Variants in WDR90 observed in about 807,000 individuals in gnomAD.
The protein encoded by WDR90 is WD repeat domain 90.
In WDR90, 238 loss-of-function variants were observed where a neutral mutation model predicts 195.2. The ratio of observed to expected loss-of-function variants is 1.22; its 90% CI spans 1.10 to 1.36. The LOEUF (loss-of-function observed/expected upper bound fraction) is 1.36. Ranked by LOEUF, WDR90 falls within the 40% of genes most tolerant of loss-of-function variation. The pLI is 0.00. For synonymous variants in WDR90, 1,265 were observed against 1,052.4 expected (o/e 1.20, Z -3.91); for missense variants, 2,734 against 2,439.5 (o/e 1.12, Z -2.54).
At chr16:649,127 CG>C (rs1223615480), upstream of WDR90, 3 of 362,050 alleles carry the variant, frequency 8.3e-6, no homozygotes, top group East Asian at 1.2e-4. Context: ...GTGGGCGCGG[CG>C]GAGGATCCGC....
upstream of WDR90, chr16:649,234 C>G (rs1317039585): frequency 3.2e-6 from 2 of 627,620 alleles, no homozygotes; most frequent in African/African-American, 3.9e-5. Context: ...TGGAGCAACC[C>G]TGGAGGCCGC....
intron 28 of WDR90, 49 bp from the exon 29 acceptor site, chr16:661,002 C>CCCCT: frequency 1.5e-5 from 1 of 64,806 alleles, no homozygotes; most frequent in Non-Finnish European, 2.3e-5. Flanking sequence ...CCCTCCCCGC[C>CCCCT]CCCCCCCCCC....
chr16:652,148 T>C, intron 9 of WDR90, 109 bp downstream of exon 9: 1 of 1,287,296 alleles, frequency 7.8e-7, no homozygotes, highest in South Asian at 1.4e-5. Context: ...CGGTCTCCTC[T>C]TGTTCAGCCT....
In WDR90 at chr16:649,431, C is replaced by T. The variant is rs1480483936; in HGVS notation, c.10+5C>T. 1.5e-6 allele frequency: 2 copies of T among 1,300,790 alleles called. No homozygotes were observed. Among genetic ancestry groups the T allele is most frequent in the Non-Finnish European group, 1.9e-6 (2 of 1,027,598 alleles). The allele number at this position is 1,300,790 out of a possible 1,614,324, so 80.6% of individuals were successfully genotyped here. A position where few individuals can be genotyped will look rare whatever the true frequency, so the allele number is the denominator to read the frequency against. On this transcript the variant is annotated splice_donor_5th_base_variant and intron_variant, in intron 1 of 40. Coordinates refer to ENST00000293879, the MANE Select transcript of WDR90 (RefSeq NM_145294.5). ...GCGGCGGCGCCATGGCCCGAGGTAG[C>T]GCGCGGCTGGCGGGGGTCCCGAGGA...
intron 7 of WDR90, 120 bp downstream of exon 7, chr16:651,386 C>A: frequency 8.2e-7 from 1 of 1,226,594 alleles, no homozygotes; most frequent in South Asian, 1.3e-5. Flanking sequence ...GGTGCAGGGA[C>A]CCAGGGAAGC....
intron 28 of WDR90, 121 bp from the exon 29 acceptor site, chr16:660,929 AC>A: frequency 1.8e-6 from 1 of 568,840 alleles, no homozygotes; most frequent in South Asian, 3.2e-5. Flanking sequence ...GACGATGCTA[AC>A]CCCTTGGCCC....
At chr16:651,316 TG>T in intron 7 of WDR90, 50 bp downstream of exon 7, 1 of 1,594,794 alleles carries the variant, frequency 6.3e-7, no homozygotes, top group Non-Finnish European at 8.6e-7. Context: ...GTAGGGTGCG[TG>T]GGGCTCGGTA....
chr16:661,265 C>A, intron 29 of WDR90, 77 bp from the exon 30 acceptor site: 1 of 1,531,094 alleles, frequency 6.5e-7, no homozygotes, highest in Non-Finnish European at 8.8e-7. Flanking sequence ...CCACCAAAGA[C>A]GGAGCAGACG....
At position 658,642 on chromosome 16, in the gene WDR90, C is replaced by A. The variant is rs1352310142; in HGVS notation, c.2884C>A (p.Pro962Thr). ...GTGGGACTACGCCACACAGGCCAGC[C>A]CAGGCCCCCAGGTGTGTGCGTGGGG... ...KVWDYATQAS[P>T]GPQVYIGHSE... Residue 962 changes from proline to threonine, a missense_variant, in exon 23 of 41, where the codon CCA (proline) becomes ACA (threonine). Pro to Thr is a conservative substitution (Grantham distance 38, BLOSUM62 -1). Transcript: ENST00000293879. 6.2e-7 allele frequency: 1 copy of A among 1,610,594 alleles called. No individual in the cohort carries two copies. Among genetic ancestry groups the A allele is most frequent in the African/African-American group, 1.3e-5 (1 of 74,880 alleles).
rs761241838 is a variant in WDR90, at chr16:650,181, G to A, written c.279+14G>A. 1 of 1,610,702 alleles carries A rather than the reference G, an allele frequency of 6.2e-7. No individual in the cohort carries two copies. On this transcript the variant is annotated intron_variant, in intron 3 of 40. Transcript: ENST00000293879. ...GTGTCCTCCAAGGTACGGAGCCCGC[G>A]GCTGGGGGCTGCGTGGGAGCCCCGG...
rs1194324175 is a variant in WDR90 at position 662,666 on chromosome 16, C to T, written c.4146-13C>T. ...ACCCATTGTTCTCTCCTTCCCTGCA[C>T]CCTGAGGTCCAGTTCTGTGTTCATG... On this transcript the variant is annotated splice_polypyrimidine_tract_variant and intron_variant, in intron 33 of 40. Transcript: ENST00000293879. 3.3e-6 allele frequency: 5 copies of T among 1,531,866 alleles called. No homozygotes were observed. Among genetic ancestry groups the T allele is most frequent in the South Asian group, 2.6e-5 (2 of 78,174 alleles). 94.9% of individuals were successfully genotyped at this position (1,531,866 alleles called of 1,614,324 possible). A position where few individuals can be genotyped will look rare whatever the true frequency, so the allele number is the denominator to read the frequency against.
intron 12 of WDR90, 21 bp from the exon 13 acceptor site, chr16:653,725 C>T (rs1159933625): frequency 6.2e-7 from 1 of 1,613,188 alleles, no homozygotes; most frequent in African/African-American, 1.3e-5. Flanking sequence ...GCGACAATGA[C>T]CACCTCCTCC....
intron 16 of WDR90, 31 bp downstream of exon 16, chr16:655,734 G>A (rs2037737457): frequency 1.3e-6 from 2 of 1,583,438 alleles, no homozygotes; most frequent in African/African-American, 1.3e-5. Flanking sequence ...TGGCCAGGGT[G>A]GCAGGGACAC....
At chr16:658,788 T>G (rs1461445137) in intron 23 of WDR90, 108 bp from the exon 24 acceptor site, 11 of 1,553,854 alleles carry the variant, frequency 7.1e-6, no homozygotes, top group Admixed American at 3.5e-5. Context: ...GGATCCTCTG[T>G]GCCTCCGGGG....
At chr16:662,141 C>G in intron 32 of WDR90, 79 bp from the exon 33 acceptor site, 1 of 1,539,194 alleles carries the variant, frequency 6.5e-7, no homozygotes, top group Non-Finnish European at 8.7e-7. Flanking sequence ...TCATCTGTAG[C>G]CCTGGCGTCC....
chr16:661,724 T>C lies in WDR90; in HGVS notation c.3801T>C (p.Cys1267=). Residue 1267 remains cysteine, a synonymous_variant, in exon 31 of 41, where the codon TGT becomes TGC. Transcript: ENST00000293879. ...CCTGGGACGCCGGCGAGCTCACCTG[T>C]GTGGGCCAGGGCACTGTCACCTTCT... is the stretch of plus-strand genomic sequence containing the variant. ...FNPWDAGELT[C]VGQGTVTFWL... The C allele has an allele frequency of 1.2e-6, 2 of 1,612,334 alleles. No homozygotes were observed. Among genetic ancestry groups the C allele is most frequent in the Non-Finnish European group, 1.7e-6 (2 of 1,179,748 alleles).
In WDR90 at chr16:655,036, T is replaced by C. The variant is rs2037720344; in HGVS notation, c.1445T>C (p.Val482Ala). 6.2e-7 allele frequency: 1 copy of C among 1,612,386 alleles called. No homozygotes were observed. The highest frequency in any genetic ancestry group is 8.5e-7 in the Non-Finnish European group (1 of 1,179,698). The change falls in exon 14 of 41, where the codon GTG becomes GCG. Residue 482 changes from valine to alanine, a missense_variant. Coordinates refer to ENST00000293879, the MANE Select transcript of WDR90 (RefSeq NM_145294.5). Reference sequence around the variant, plus strand: ...AGCCTGGGCTTGTTGCAGATGGTGGTGGCCTGGGGCACCGGCCAGGTGGGC... The same window carrying C: ...AGCCTGGGCTTGTTGCAGATGGTGGCGGCCTGGGGCACCGGCCAGGTGGGC... The part of the protein sequence containing the change: ...GKDHHGRTMV[V>A]AWGTGQVGLG...
chr16:667,678 G>A lies in WDR90; in HGVS notation c.*89G>A. The A allele has an allele frequency of 6.4e-7, 1 of 1,565,636 alleles. No individual in the cohort carries two copies. The highest frequency in any genetic ancestry group is 1.1e-5 in the South Asian group (1 of 88,024). ...TTGGCAGAGGCGCCAGGTTGTCAAT[G>A]GCCTCATGCTGGGACAGGCCAGGAT... On this transcript the variant is annotated 3_prime_UTR_variant, in exon 41 of 41. Coordinates refer to ENST00000293879, the MANE Select transcript of WDR90 (RefSeq NM_145294.5).
At chr16:660,374 C>T (rs929204770) in intron 27 of WDR90, among the ~76,000 whole-genome samples, 1 of 152,190 alleles carries the variant, frequency 6.6e-6, no homozygotes, top group African/African-American at 2.4e-5. Flanking sequence ...CTCCTGCTGA[C>T]CTGCCTTCCC....
Sources: allele counts gnomAD v4.1 joint callset (sites outside exome capture counted in the v4.1 genomes callset), GRCh38; gene constraint gnomAD v4.1.1; transcripts MANE v1.5; gene names NCBI Gene and HGNC (gene_info 2026-07-23, HGNC 2026-07-21).